MYO3B: variants seen among roughly 807,000 people sequenced by gnomAD.
The protein encoded by MYO3B is myosin-IIIb.
In MYO3B, 156 loss-of-function variants were observed where a neutral mutation model predicts 174.6. The ratio of observed to expected loss-of-function variants is 0.89; its 90% confidence interval spans 0.78 to 1.02. MYO3B has a LOEUF of 1.02. Ranked by LOEUF, MYO3B falls within the 50% of genes least tolerant of loss-of-function variation. The probability of loss-of-function intolerance (pLI) is 0.00; values close to 1 mark genes in which losing one functional copy is unlikely to be tolerated. For synonymous variants in MYO3B, 563 were observed against 569.1 expected (o/e 0.99, Z 0.15); for missense variants, 1,632 against 1,639.4 (o/e 1.00, Z 0.08).
At chr2:170,571,956 CT>C (rs1692463446) in intron 32 of MYO3B, among the ~76,000 whole-genome samples, 1 of 152,164 alleles carries the variant, frequency 6.6e-6, no homozygotes, top group South Asian at 2.1e-4. Flanking sequence ...AAGGGTCAGT[CT>C]TTCAGTATAC....
chr2:170,253,678 A>T (rs2093277198), intron 7 of MYO3B, among the ~76,000 whole-genome samples: 1 of 152,162 alleles, frequency 6.6e-6, no homozygotes, highest in Non-Finnish European at 1.5e-5. Context: ...AGATGAAGAA[A>T]AACCAGGAAA....
intron 32 of MYO3B, among the ~76,000 whole-genome samples, chr2:170,618,660 T>C (rs1575259265): frequency 6.6e-6 from 1 of 152,106 alleles, no homozygotes; most frequent in Non-Finnish European, 1.5e-5. Flanking sequence ...GTCACCGCCT[T>C]CTGGTCCCAT....
At chr2:170,320,993 C>T (rs572486907) in intron 7 of MYO3B, among the ~76,000 whole-genome samples, 47 of 152,252 alleles carry the variant, frequency 3.1e-4, no homozygotes, top group Non-Finnish European at 3.5e-4. Context: ...GATGCTGAGG[C>T]GGTAAGATCA....
At chr2:170,386,158 T>C in intron 12 of MYO3B, 31 bp from the exon 13 acceptor site, 1 of 1,602,000 alleles carries the variant, frequency 6.2e-7, no homozygotes. Context: ...TGCTATAAAT[T>C]CTTCACTTGA....
At position 170,407,731 on chromosome 2, in the gene MYO3B, C is replaced by G. The variant is rs2094519599; in HGVS notation, c.2537C>G (p.Ser846Cys). The G allele has an allele frequency of 2.5e-6, 4 of 1,614,008 alleles. No homozygotes were observed. Among genetic ancestry groups the G allele is most frequent in the Non-Finnish European group, 2.5e-6 (3 of 1,179,928 alleles). The change falls in exon 22 of 35, where the codon TCT becomes TGT. Residue 846 changes from serine to cysteine, a missense_variant. Physicochemically the swap from Ser to Cys is moderately radical, Grantham distance 112. Coordinates refer to ENST00000408978, the MANE Select transcript of MYO3B (RefSeq NM_138995.5). ...ATGTTACAGGTATTATATGATGCTT[C>G]TGGGGTTCTTGAGAAAAATAGAGAC... The part of the protein sequence containing the change: ...HYAGKVLYDA[S>C]GVLEKNRDTL...
chr2:170,445,352 T>A (rs1461159159), intron 23 of MYO3B, among the ~76,000 whole-genome samples: 3 of 151,746 alleles, frequency 2.0e-5, no homozygotes, highest in African/African-American at 7.3e-5. Context: ...TTTTTTTTTT[T>A]ATTTTTGAGA....
intron 3 of MYO3B, among the ~76,000 whole-genome samples, chr2:170,205,802 A>G (rs753996885): frequency 4.6e-5 from 7 of 151,960 alleles, no homozygotes; most frequent in Non-Finnish European, 1.0e-4. Flanking sequence ...ATTTTTCTAG[A>G]ATGCCAGTCT....
At chr2:170,251,199 C>T (rs971207258) in intron 7 of MYO3B, among the ~76,000 whole-genome samples, 3 of 151,946 alleles carry the variant, frequency 2.0e-5, no homozygotes, top group African/African-American at 4.8e-5. Context: ...TATACAGTTT[C>T]TTTGATTCTT....
At chr2:170,598,092 T>G (rs1312636746) in intron 32 of MYO3B, among the ~76,000 whole-genome samples, 1 of 152,220 alleles carries the variant, frequency 6.6e-6, no homozygotes, top group African/African-American at 2.4e-5. Flanking sequence ...TTAAGCACCA[T>G]CTTGAGAAAC....
intron 32 of MYO3B, among the ~76,000 whole-genome samples, chr2:170,545,671 T>A (rs1023489443): frequency 6.6e-6 from 1 of 152,238 alleles, no homozygotes; most frequent in African/African-American, 2.4e-5. Flanking sequence ...AATTTATTAA[T>A]AAGTTACACA....
intron 23 of MYO3B, among the ~76,000 whole-genome samples, chr2:170,461,181 A>G (rs1445815402): frequency 6.6e-6 from 1 of 152,156 alleles, no homozygotes; most frequent in Non-Finnish European, 1.5e-5. Flanking sequence ...TCTTAACAAA[A>G]AGAAGTGCTG....
intron 22 of MYO3B, among the ~76,000 whole-genome samples, chr2:170,435,525 C>T (rs1012042473): frequency 1.3e-5 from 2 of 152,166 alleles, no homozygotes; most frequent in Non-Finnish European, 2.9e-5. Flanking sequence ...GTATTGTAGA[C>T]AGTAAGATGT....
chr2:170,473,281 T>C (rs1455880301), intron 25 of MYO3B, among the ~76,000 whole-genome samples: 1 of 151,592 alleles, frequency 6.6e-6, no homozygotes, highest in Admixed American at 6.6e-5. Flanking sequence ...TAGCTGGGAC[T>C]ACAGGCACCT....
chr2:170,309,281 A>G (rs1250600523), intron 7 of MYO3B, among the ~76,000 whole-genome samples: 1 of 152,202 alleles, frequency 6.6e-6, no homozygotes, highest in Non-Finnish European at 1.5e-5. Context: ...TGTGTAATAA[A>G]CCAGTGGGTT....
intron 22 of MYO3B, 92 bp downstream of exon 22, chr2:170,407,936 C>A: frequency 1.4e-6 from 2 of 1,448,334 alleles, no homozygotes; most frequent in Non-Finnish European, 1.9e-6. Context: ...GCCAGGGCTG[C>A]ACCGCTAACA....
intron 28 of MYO3B, among the ~76,000 whole-genome samples, chr2:170,512,144 G>A (rs1239061234): frequency 6.6e-6 from 1 of 152,162 alleles, no homozygotes. Flanking sequence ...GATAATCAAA[G>A]TGGAAAATGC....
At chr2:170,360,600 A>G (rs992730104) in intron 8 of MYO3B, among the ~76,000 whole-genome samples, 3 of 152,138 alleles carry the variant, frequency 2.0e-5, no homozygotes, top group Non-Finnish European at 2.9e-5. Flanking sequence ...GCACATTAAC[A>G]TTTCCTTGTT....
chr2:170,339,549 G>C (rs2093965230), intron 8 of MYO3B, among the ~76,000 whole-genome samples: 1 of 152,332 alleles, frequency 6.6e-6, no homozygotes, highest in South Asian at 2.1e-4. Flanking sequence ...GTGCATACGC[G>C]TGTAGGAGGG....
intron 22 of MYO3B, 55 bp from the exon 23 acceptor site, chr2:170,443,912 G>T: frequency 1.4e-6 from 2 of 1,444,178 alleles, no homozygotes; most frequent in South Asian, 2.5e-5. Flanking sequence ...AATTACTCAT[G>T]ATCCTATTTC....
Sources: gnomAD v4.1 joint callset for allele counts (sites outside exome capture counted in the v4.1 genomes callset) on GRCh38, gnomAD v4.1.1 for gene constraint, MANE v1.5 for transcripts, NCBI Gene and HGNC (gene_info 2026-07-23, HGNC 2026-07-21) for gene names.